The following OSBPL9 variants were observed in gnomAD, a reference collection of about 807,000 sequenced individuals.
The protein encoded by OSBPL9 is oxysterol binding protein like 9, also known as oxysterol-binding protein-related protein 9.
In OSBPL9, 40 loss-of-function variants were observed where a neutral mutation model predicts 106.6. That is an observed-to-expected ratio of 0.38 (90% confidence interval 0.29 to 0.49). The LOEUF is 0.49. OSBPL9 is among the 20% of genes least tolerant of loss of function. OSBPL9 has a pLI of 0.97. For missense variants in OSBPL9, 609 were observed against 887.2 expected, an observed-to-expected ratio of 0.69 and a Z score of 3.98; for synonymous variants, 269 against 295.4, an observed-to-expected ratio of 0.91 and a Z score of 0.92.
chr1:51,690,102 G>T (rs977840603), intron 3 of OSBPL9, among the ~76,000 whole-genome samples: 2 of 152,052 alleles, frequency 1.3e-5, no homozygotes, highest in East Asian at 1.9e-4. Flanking sequence ...GATTTTTCTA[G>T]ATTTCAAAAT....
chr1:51,577,436 G>C (rs987552612), intron 1 of OSBPL9, among the ~76,000 whole-genome samples: 4 of 151,388 alleles, frequency 2.6e-5, no homozygotes, highest in African/African-American at 9.7e-5. Flanking sequence ...ACCACGCCCG[G>C]CTAATTCTTT....
intron 3 of OSBPL9, among the ~76,000 whole-genome samples, chr1:51,712,277 C>G (rs1407289596): frequency 6.6e-6 from 1 of 152,234 alleles, no homozygotes; most frequent in African/African-American, 2.4e-5. Context: ...CGGCGCGCGC[C>G]TGCAATCGCA....
chr1:51,569,199 T>C, the OSBPL9 span, among the ~76,000 whole-genome samples: 1 of 152,188 alleles, frequency 6.6e-6, no homozygotes, highest in African/African-American at 2.4e-5. Context: ...CTCCTGTGCC[T>C]TTCTCTCACT....
At chr1:51,528,057 G>C in the OSBPL9 span, among the ~76,000 whole-genome samples, 1 of 151,952 alleles carries the variant, frequency 6.6e-6, no homozygotes, top group African/African-American at 2.4e-5. Context: ...CTAGGAGGCA[G>C]AGGCTGCAGT....
At chr1:51,698,483 T>G (rs902399617) in intron 3 of OSBPL9, among the ~76,000 whole-genome samples, 21 of 152,174 alleles carry the variant, frequency 1.4e-4, no homozygotes, top group African/African-American at 4.8e-4. Context: ...TGTACACATA[T>G]GTACACATAT....
chr1:51,587,656 T>C (rs952726869), intron 1 of OSBPL9, among the ~76,000 whole-genome samples: 3 of 152,222 alleles, frequency 2.0e-5, no homozygotes, highest in African/African-American at 7.2e-5. Flanking sequence ...ACTTGCTCGC[T>C]CTTCTCAACC....
intron 2 of OSBPL9, among the ~76,000 whole-genome samples, chr1:51,605,534 T>A (rs1643940314): frequency 6.6e-6 from 1 of 152,100 alleles, no homozygotes; most frequent in African/African-American, 2.4e-5. Context: ...GTAAAGACAT[T>A]CAACACAGAG....
At chr1:51,662,540 T>C (rs537763839) in intron 2 of OSBPL9, among the ~76,000 whole-genome samples, 2 of 152,246 alleles carry the variant, frequency 1.3e-5, no homozygotes. Flanking sequence ...CTGCTTTTGT[T>C]GTTGGGAGTC....
chr1:51,531,602 G>A, the OSBPL9 span, among the ~76,000 whole-genome samples: 1 of 152,310 alleles, frequency 6.6e-6, no homozygotes, highest in Non-Finnish European at 1.5e-5. Flanking sequence ...GACTATGGAA[G>A]AAGCCAATTT....
upstream of OSBPL9, chr1:51,616,988 CT>C (rs1163541222): frequency 2.7e-6 from 4 of 1,490,618 alleles, no homozygotes; most frequent in Admixed American, 6.5e-5. Context: ...GCTGGAGCAT[CT>C]GCCGGCACCG....
rs564259366 is a variant in OSBPL9, at chr1:51,783,353, T to A, written c.1514-562T>A. ...CCACACCCAACTAATTTTCTTATTTTTTTTTTTTTTTTTTTAGAGTCAGTG... is the reference window on the plus strand; with the variant it reads ...CCACACCCAACTAATTTTCTTATTTATTTTTTTTTTTTTTTAGAGTCAGTG... On this transcript the variant is annotated intron_variant, in intron 17 of 23. Transcript: ENST00000428468. Among the ~76,000 whole-genome samples, 508 of 150,294 alleles carry A rather than the reference T, an allele frequency of 3.4e-3. 1 individual carries two copies. The highest frequency in any genetic ancestry group is 0.011 in the African/African-American group (447 of 40,926).
intron 14 of OSBPL9, among the ~76,000 whole-genome samples, chr1:51,775,119 A>G (rs1284684996): frequency 6.6e-6 from 1 of 152,196 alleles, no homozygotes; most frequent in Admixed American, 6.5e-5. Flanking sequence ...CTGCTAATCT[A>G]ACCCTATTTG....
At position 51,683,579 on chromosome 1, in the gene OSBPL9, G is replaced by A. The variant is rs550257317; in HGVS notation, c.241+14067G>A. Among the ~76,000 whole-genome samples the A allele has an allele frequency of 8.6e-5, 13 of 151,708 alleles. No homozygotes were observed. In the South Asian group the frequency reaches 2.7e-3, roughly 32 times the overall value. On this transcript the variant is annotated intron_variant, in intron 3 of 23. Coordinates refer to ENST00000428468, the MANE Select transcript of OSBPL9 (RefSeq NM_024586.6). The stretch of plus-strand genomic sequence containing the variant: ...AAGCTGAGGTGGGCAGATCACCTGA[G>A]TCCAGCAGTTCGAGACCAGCCTGGC...
intron 2 of OSBPL9, among the ~76,000 whole-genome samples, chr1:51,665,872 T>A (rs567176629): frequency 4.6e-5 from 7 of 151,972 alleles, no homozygotes; most frequent in South Asian, 2.1e-4. Flanking sequence ...ATATATATAT[T>A]TTTTTAGAGT....
chr1:51,714,223 TTATAG>T (rs1424502653), intron 4 of OSBPL9, 144 bp downstream of exon 4: 4 of 573,536 alleles, frequency 7.0e-6, no homozygotes, highest in East Asian at 6.0e-5. Flanking sequence ...TCCTTTACAG[TTATAG>T]TAAAGTTATA....
chr1:51,752,917 T>A (rs1669576849), intron 8 of OSBPL9, among the ~76,000 whole-genome samples: 1 of 152,172 alleles, frequency 6.6e-6, no homozygotes, highest in African/African-American at 2.4e-5. Flanking sequence ...CACAGGAATT[T>A]GGGGAGGGAC....
chr1:51,761,027 C>T (rs1671370858), intron 10 of OSBPL9, among the ~76,000 whole-genome samples: 1 of 152,124 alleles, frequency 6.6e-6, no homozygotes, highest in Non-Finnish European at 1.5e-5. Flanking sequence ...TTGGTTACTA[C>T]GATTTGGATT....
chr1:51,530,176 AAAAAAAAAAAAAAAAAC>A, the OSBPL9 span, among the ~76,000 whole-genome samples: 405 of 107,704 alleles, frequency 3.8e-3, 15 homozygotes, highest in African/African-American at 0.016. Context: ...GTCTCAAAAA[AAAAAAAAAAAAAAAAAC>A]AAAAAAAAAA....
At chr1:51,779,878 C>T (rs112671919) in intron 15 of OSBPL9, among the ~76,000 whole-genome samples, 18,737 of 151,972 alleles carry the variant, frequency 0.12, 1,273 homozygotes, top group Middle Eastern at 0.22. Flanking sequence ...GAGAGTGAGA[C>T]CATCCTGGCT....
Sources: gnomAD v4.1 joint callset for allele counts (sites outside exome capture counted in the v4.1 genomes callset) on GRCh38, gnomAD v4.1.1 for gene constraint, MANE v1.5 for transcripts, NCBI Gene and HGNC (gene_info 2026-07-23, HGNC 2026-07-21) for gene names.